Variants in RAD51B observed in about 807,000 individuals in gnomAD.
The protein encoded by RAD51B is RAD51 paralog B.
Under a neutral mutation model 42.2 loss-of-function variants are expected in RAD51B, and 38 were observed. That is an observed-to-expected ratio of 0.90 (90% CI 0.70 to 1.18). The LOEUF (loss-of-function observed/expected upper bound fraction) is 1.18. Ranked by LOEUF, RAD51B falls within the 50% of genes most tolerant of loss-of-function variation. RAD51B has a pLI of 0.00. For synonymous variants in RAD51B, 154 were observed against 145.2 expected, an observed-to-expected ratio of 1.06 and a Z score of -0.43; for missense variants, 373 against 400.7, an observed-to-expected ratio of 0.93 and a Z score of 0.59.
chr14:68,370,384 G>A (rs550394908), intron 8 of RAD51B, among the ~76,000 whole-genome samples: 2 of 152,324 alleles, frequency 1.3e-5, no homozygotes, highest in South Asian at 4.1e-4. Context: ...TGTGTACGTA[G>A]TTTTATATTC....
Position 68,138,329 on chromosome 14 carries a change from C to T in RAD51B, c.757-153555C>T, listed in dbSNP as rs1489746804. Reference sequence around the variant, plus strand: ...TAACAAAATCAGAAGTACATTTTACCGTTTTGTTACATTGCTTTTGTGTGT... The same window carrying T: ...TAACAAAATCAGAAGTACATTTTACTGTTTTGTTACATTGCTTTTGTGTGT... On this transcript the variant is annotated intron_variant, in intron 7 of 10. Transcript: ENST00000471583. 2.6e-5 allele frequency among the ~76,000 whole-genome samples: 4 copies of T among 152,058 alleles called. No individual in the cohort carries two copies. In the East Asian group the frequency reaches 5.8e-4, roughly 22 times the overall value.
chr14:68,627,552 C>G (rs1892116417), intron 10 of RAD51B, among the ~76,000 whole-genome samples: 1 of 152,212 alleles, frequency 6.6e-6, no homozygotes, highest in Non-Finnish European at 1.5e-5. Flanking sequence ...GTGAAATCAT[C>G]TGGTTGGGAC....
At chr14:67,924,006 T>C (rs1178934631) in intron 7 of RAD51B, among the ~76,000 whole-genome samples, 1 of 152,238 alleles carries the variant, frequency 6.6e-6, no homozygotes, top group Non-Finnish European at 1.5e-5. Flanking sequence ...CATATGCTTG[T>C]CGGCCATTTG....
chr14:67,996,612 G>A (rs2075389421), intron 7 of RAD51B, among the ~76,000 whole-genome samples: 1 of 152,128 alleles, frequency 6.6e-6, no homozygotes, highest in African/African-American at 2.4e-5. Flanking sequence ...GAAGCCAATA[G>A]ATCTGAAGTG....
chr14:68,647,799 C>G (rs1291813203), intron 10 of RAD51B, among the ~76,000 whole-genome samples: 1 of 151,978 alleles, frequency 6.6e-6, no homozygotes, highest in African/African-American at 2.4e-5. Flanking sequence ...CTGCCTCAGC[C>G]TCCCGAGTAG....
intron 7 of RAD51B, among the ~76,000 whole-genome samples, chr14:68,107,419 T>C (rs141090753): frequency 3.3e-5 from 5 of 151,916 alleles, no homozygotes; most frequent in African/African-American, 1.2e-4. Flanking sequence ...ATGGAAATAC[T>C]ATCTACGTGG....
chr14:68,073,537 GAT>G (rs1361639595), intron 7 of RAD51B, among the ~76,000 whole-genome samples: 1 of 152,086 alleles, frequency 6.6e-6, no homozygotes, highest in Non-Finnish European at 1.5e-5. Flanking sequence ...GGTTAATATT[GAT>G]ATGTGCAGAT....
At chr14:68,139,774 A>G (rs561131972) in intron 7 of RAD51B, among the ~76,000 whole-genome samples, 16 of 152,360 alleles carry the variant, frequency 1.1e-4, no homozygotes, top group South Asian at 6.2e-4. Context: ...AAAGTGTACA[A>G]TTGGCACTGG....
At chr14:68,363,803 C>CA (rs1327135255) in intron 8 of RAD51B, among the ~76,000 whole-genome samples, 2 of 152,176 alleles carry the variant, frequency 1.3e-5, no homozygotes, top group African/African-American at 4.8e-5. Flanking sequence ...TAGTGAGACT[C>CA]AGAGTCTACC....
At chr14:68,507,063 G>A (rs1385005844) in intron 10 of RAD51B, among the ~76,000 whole-genome samples, 1 of 151,992 alleles carries the variant, frequency 6.6e-6, no homozygotes, top group Non-Finnish European at 1.5e-5. Context: ...TTGAGGGAGA[G>A]TGTGTATGTG....
intron 7 of RAD51B, among the ~76,000 whole-genome samples, chr14:68,271,508 A>T (rs1320896691): frequency 2.0e-5 from 3 of 148,652 alleles, no homozygotes; most frequent in Admixed American, 6.7e-5. Context: ...TTGTGAAGAT[A>T]AAAAAAAAAG....
At chr14:68,292,246 A>G (rs1012666135) in intron 8 of RAD51B, among the ~76,000 whole-genome samples, 1 of 152,216 alleles carries the variant, frequency 6.6e-6, no homozygotes, top group South Asian at 2.1e-4. Context: ...ATGAGGGCTG[A>G]TGAATTGTTA....
At chr14:68,406,785 T>C (rs2084287322) in intron 8 of RAD51B, among the ~76,000 whole-genome samples, 1 of 152,262 alleles carries the variant, frequency 6.6e-6, no homozygotes, top group Non-Finnish European at 1.5e-5. Context: ...TGCATAGCTG[T>C]TCAAAAACAT....
intron 10 of RAD51B, among the ~76,000 whole-genome samples, chr14:68,575,651 A>G (rs528134739): frequency 2.0e-5 from 3 of 151,902 alleles, no homozygotes; most frequent in South Asian, 2.1e-4. Flanking sequence ...AGGCTCAGCA[A>G]CTCCCAGGGC....
intron 10 of RAD51B, among the ~76,000 whole-genome samples, chr14:68,578,782 G>A (rs1294175130): frequency 6.6e-6 from 1 of 152,224 alleles, no homozygotes; most frequent in Non-Finnish European, 1.5e-5. Context: ...CTTCCAACAC[G>A]TGGCAGACAG....
rs772180717 is a variant in RAD51B at position 67,823,572 on chromosome 14, G to T, written c.29G>T (p.Gly10Val). The change falls in exon 2 of 11, where the codon GGT (glycine) becomes GTT (valine). Residue 10 changes from glycine to valine, a missense_variant. Coordinates refer to ENST00000471583, the MANE Select transcript of RAD51B (RefSeq NM_133510.4). ...GGTAGCAAGAAACTAAAACGAGTGG[G>T]TTTATCACAAGAGCTGTGTGACCGT... The part of the protein sequence containing the change: MGSKKLKRV[G>V]LSQELCDRLS... 2 of 1,613,618 alleles carry T rather than the reference G, an allele frequency of 1.2e-6. No individual in the cohort carries two copies. Among genetic ancestry groups the T allele is most frequent in the Non-Finnish European group, 1.7e-6 (2 of 1,179,814 alleles).
In RAD51B at chr14:68,115,002, C is replaced by A. The variant is rs917686997; in HGVS notation, c.757-176882C>A. On this transcript the variant is annotated intron_variant, in intron 7 of 10. Coordinates refer to ENST00000471583, the MANE Select transcript of RAD51B (RefSeq NM_133510.4). ...GTCAGTGTGGCGATTCCTCAGGGAT[C>A]TAGAACTAGAAATACCATTTGACCC... is the stretch of plus-strand genomic sequence containing the variant. Among the ~76,000 whole-genome samples the A allele has an allele frequency of 8.6e-4, 128 of 148,058 alleles. 1 individual carries two copies. Among genetic ancestry groups the A allele is most frequent in the Non-Finnish European group, 4.1e-4 (28 of 67,862 alleles).
At chr14:68,564,809 G>A (rs1376620904) in intron 10 of RAD51B, among the ~76,000 whole-genome samples, 4 of 152,212 alleles carry the variant, frequency 2.6e-5, no homozygotes, top group African/African-American at 9.6e-5. Context: ...CCCACTGAAA[G>A]AGCCGGGTCG....
At chr14:68,448,868 CA>C (rs1272128271) in intron 9 of RAD51B, among the ~76,000 whole-genome samples, 2 of 151,014 alleles carry the variant, frequency 1.3e-5, no homozygotes, top group Admixed American at 6.6e-5. Context: ...AAATGGAAAA[CA>C]AAAAAGTAAT....
Sources: gnomAD v4.1 joint callset for allele counts (sites outside exome capture counted in the v4.1 genomes callset) on GRCh38, gnomAD v4.1.1 for gene constraint, MANE v1.5 for transcripts, NCBI Gene and HGNC (gene_info 2026-07-23, HGNC 2026-07-21) for gene names.